DCHS2: variants seen among roughly 807,000 people sequenced by gnomAD.
DCHS2 encodes the protein dachsous cadherin-related 2.
Under a neutral mutation model 182.4 loss-of-function variants are expected in DCHS2, and 142 were observed. That is an observed-to-expected ratio of 0.78 (90% CI 0.68 to 0.89). DCHS2 has a LOEUF of 0.89. Ranked by LOEUF, DCHS2 falls within the 40% of genes least tolerant of loss-of-function variation. The probability of loss-of-function intolerance (pLI) is 0.00; values close to 1 mark genes in which losing one functional copy is unlikely to be tolerated. For missense variants in DCHS2, 4,319 were observed against 4,198.6 expected, an observed-to-expected ratio of 1.03 and a Z score of -0.79; for synonymous variants, 1,740 against 1,663.3, an observed-to-expected ratio of 1.05 and a Z score of -1.12.
chr4:154,238,213 A>C (rs1008050118), intron 19 of DCHS2, among the ~76,000 whole-genome samples: 3 of 152,132 alleles, frequency 2.0e-5, no homozygotes, highest in African/African-American at 7.2e-5. Context: ...AATTCCTGAT[A>C]CGTTTGTAAT....
intron 1 of DCHS2, among the ~76,000 whole-genome samples, chr4:154,398,481 TTGAC>T (rs1250055403): frequency 1.3e-5 from 2 of 152,154 alleles, no homozygotes; most frequent in Admixed American, 6.6e-5. Flanking sequence ...CCCCAGCCCT[TTGAC>T]TGTGACACTA....
chr4:154,478,358 T>G (rs553300411), intron 1 of DCHS2, among the ~76,000 whole-genome samples: 18 of 152,328 alleles, frequency 1.2e-4, no homozygotes, highest in African/African-American at 4.3e-4. Flanking sequence ...ATGTAACAAC[T>G]GTAAACTTTA....
At chr4:154,443,428 T>C (rs1224778261) in intron 1 of DCHS2, among the ~76,000 whole-genome samples, 2 of 152,182 alleles carry the variant, frequency 1.3e-5, no homozygotes, top group Non-Finnish European at 2.9e-5. Flanking sequence ...TTCAAAAGGC[T>C]CTATTCCCTC....
intron 1 of DCHS2, among the ~76,000 whole-genome samples, chr4:154,474,765 G>A (rs76645330): frequency 0.019 from 2,867 of 152,200 alleles, 91 homozygotes; most frequent in African/African-American, 0.065. Context: ...CATGAAATAA[G>A]GATAAGAGCA....
chr4:154,263,287 G>T (rs921437659), intron 14 of DCHS2, among the ~76,000 whole-genome samples: 2 of 151,870 alleles, frequency 1.3e-5, no homozygotes, highest in Non-Finnish European at 2.9e-5. Flanking sequence ...TTTTAAAAAA[G>T]CTTTCTTGAC....
chr4:154,413,610 A>G (rs7674936), intron 1 of DCHS2, among the ~76,000 whole-genome samples: 97,261 of 151,998 alleles, frequency 0.64, 31,594 homozygotes, highest in East Asian at 0.98. Context: ...CAGCTCCCTT[A>G]CCATCTGACT....
chr4:154,332,336 A>G (rs1736570855), intron 5 of DCHS2, 142 bp downstream of exon 5: 2 of 617,468 alleles, frequency 3.2e-6, no homozygotes, highest in African/African-American at 1.8e-5. Context: ...AATTGCATGT[A>G]TGCACTAATG....
intron 5 of DCHS2, chr4:154,331,696 T>C (rs1462316539): frequency 1.2e-6 from 2 of 1,613,448 alleles, no homozygotes; most frequent in Non-Finnish European, 1.7e-6. Flanking sequence ...GGTTATGACA[T>C]AGATGGTGCC....
chr4:154,450,835 G>T (rs1178994251), intron 1 of DCHS2, among the ~76,000 whole-genome samples: 2 of 151,896 alleles, frequency 1.3e-5, no homozygotes, highest in Non-Finnish European at 2.9e-5. Context: ...GAAAAAAAAA[G>T]AAAGAAAAAA....
intron 1 of DCHS2, among the ~76,000 whole-genome samples, chr4:154,441,082 G>C (rs1193120977): frequency 6.6e-6 from 1 of 152,186 alleles, no homozygotes; most frequent in Non-Finnish European, 1.5e-5. Flanking sequence ...CAGAGTCACA[G>C]CACTGACAGT....
chr4:154,259,659 A>G lies in DCHS2; in HGVS notation c.6675T>C (p.Tyr2225=). Reference sequence around the variant, plus strand: ...CCTGTATCAAGACTGCTACTTTGCAATAGGCTCTATGCCCACTACTTTCAG... The same window carrying G: ...CCTGTATCAAGACTGCTACTTTGCAGTAGGCTCTATGCCCACTACTTTCAG... ...VLAESSGHRA[Y]CKVAVLIQDE... The change falls in exon 15 of 20, where the codon TAT becomes TAC. Residue 2225 remains tyrosine, a synonymous_variant. Coordinates refer to ENST00000357232, the MANE Select transcript of DCHS2 (RefSeq NM_001358235.2). 1 of 1,614,124 alleles carries G rather than the reference A, an allele frequency of 6.2e-7. No individual in the cohort carries two copies. Among genetic ancestry groups the G allele is most frequent in the Non-Finnish European group, 8.5e-7 (1 of 1,180,020 alleles).
At chr4:154,415,515 A>G (rs1236919335) in intron 1 of DCHS2, among the ~76,000 whole-genome samples, 1 of 152,210 alleles carries the variant, frequency 6.6e-6, no homozygotes, top group Non-Finnish European at 1.5e-5. Context: ...GGCATTTGAC[A>G]GAATTCCTCC....
intron 1 of DCHS2, among the ~76,000 whole-genome samples, chr4:154,483,284 A>G (rs1006286304): frequency 1.3e-5 from 2 of 152,186 alleles, no homozygotes; most frequent in African/African-American, 4.8e-5. Flanking sequence ...ATCTAGAAAA[A>G]AATCTAGATT....
chr4:154,457,533 AC>A (rs1314171958), intron 1 of DCHS2, among the ~76,000 whole-genome samples: 3 of 152,216 alleles, frequency 2.0e-5, no homozygotes, highest in African/African-American at 7.2e-5. Flanking sequence ...CTTTAGAGCT[AC>A]TATTGGCTCA....
chr4:154,315,598 T>G, intron 10 of DCHS2, 150 bp downstream of exon 10: 1 of 1,177,908 alleles, frequency 8.5e-7, no homozygotes, highest in Non-Finnish European at 1.2e-6. Flanking sequence ...TATGTGTTTC[T>G]GTGTGGATGC....
At chr4:154,289,479 T>G (rs760356528) in intron 13 of DCHS2, among the ~76,000 whole-genome samples, 1 of 152,052 alleles carries the variant, frequency 6.6e-6, no homozygotes, top group Non-Finnish European at 1.5e-5. Flanking sequence ...CAGGACCTGA[T>G]GACTTTACTG....
intron 3 of DCHS2, among the ~76,000 whole-genome samples, chr4:154,365,317 C>A (rs1730298943): frequency 6.6e-6 from 1 of 152,162 alleles, no homozygotes; most frequent in Non-Finnish European, 1.5e-5. Context: ...CCAAATGAGG[C>A]TCAGTCACCC....
intron 6 of DCHS2, among the ~76,000 whole-genome samples, chr4:154,329,058 G>T (rs1297693186): frequency 6.6e-6 from 1 of 152,148 alleles, no homozygotes; most frequent in Non-Finnish European, 1.5e-5. Flanking sequence ...AAATATAATT[G>T]CCAGTTGGTG....
chr4:154,398,355 T>A (rs1243216917), intron 1 of DCHS2, among the ~76,000 whole-genome samples: 2 of 152,216 alleles, frequency 1.3e-5, no homozygotes, highest in African/African-American at 4.8e-5. Flanking sequence ...TTCAGTGAAA[T>A]AACGTGCAGA....
Sources: allele counts gnomAD v4.1 joint callset (sites outside exome capture counted in the v4.1 genomes callset), GRCh38; gene constraint gnomAD v4.1.1; transcripts MANE v1.5; gene names NCBI Gene and HGNC (gene_info 2026-07-23, HGNC 2026-07-21).